The following RHO variants were observed in gnomAD, a reference collection of about 807,000 sequenced individuals.
The protein encoded by RHO is rhodopsin.
Under a neutral mutation model 31.2 loss-of-function variants are expected in RHO, and 21 were observed. The observed-to-expected ratio is 0.67, with a 90% confidence interval of 0.48 to 0.97. The LOEUF (loss-of-function observed/expected upper bound fraction) is 0.97. Ranked by LOEUF, RHO falls within the 50% of genes least tolerant of loss-of-function variation. The pLI, the probability that RHO is intolerant of heterozygous loss-of-function variation, is 0.00. For missense variants in RHO, 414 were observed against 479.5 expected (o/e 0.86, Z 1.28); for synonymous variants, 211 against 196.6 (o/e 1.07, Z -0.61).
chr3:129,530,742 T>C lies in RHO; in HGVS notation c.362-134T>C. ...CCCCTCCTCCCAGCACCAAGCTCTCTCCTTCCCCAAGGCCTCCTCAAATCC... is the reference window on the plus strand; with the variant it reads ...CCCCTCCTCCCAGCACCAAGCTCTCCCCTTCCCCAAGGCCTCCTCAAATCC... On this transcript the variant is annotated intron_variant, in intron 1 of 4. Coordinates refer to ENST00000296271, the MANE Select transcript of RHO (RefSeq NM_000539.3). 3.7e-6 allele frequency: 4 copies of C among 1,074,530 alleles called. No homozygotes were observed. In the Admixed American group the frequency reaches 6.9e-5, roughly 18 times the overall value. 66.6% of individuals were successfully genotyped at this position (1,074,530 alleles called of 1,614,324 possible).
chr3:129,532,340 T>C lies in RHO; in HGVS notation c.620T>C (p.Met207Thr), dbSNP rs104893782. 2 of 1,614,050 alleles carry C rather than the reference T, an allele frequency of 1.2e-6. No homozygotes were observed. Among genetic ancestry groups the C allele is most frequent in the Non-Finnish European group, 1.7e-6 (2 of 1,179,980 alleles). ...AACAACGAGTCTTTTGTCATCTACA[T>C]GTTCGTGGTCCACTTCACCATCCCC... ...EVNNESFVIY[M>T]FVVHFTIPMI... The change falls in exon 3 of 5, where the codon ATG becomes ACG. Residue 207 changes from methionine (M) to threonine (T), a missense_variant. By Grantham distance (81) the Met-to-Thr change is moderately conservative. Coordinates refer to ENST00000296271, the MANE Select transcript of RHO (RefSeq NM_000539.3). The surrounding 1 kb of genome is among the most constrained non-coding windows in gnomAD (Gnocchi z 5.5).
Position 129,533,946 on chromosome 3 carries a change from C to T in RHO, c.*228C>T. Reference sequence around the variant, plus strand: ...ACCTACTGATCTGGAGTCCCACGTTCCCCAAGGCCAGCGGGATGTGTGCCC... The same window carrying T: ...ACCTACTGATCTGGAGTCCCACGTTTCCCAAGGCCAGCGGGATGTGTGCCC... On this transcript the variant is annotated 3_prime_UTR_variant, in exon 5 of 5. Transcript: ENST00000296271. The T allele has an allele frequency of 5.9e-6, 3 of 511,702 alleles. No homozygotes were observed. Among genetic ancestry groups the T allele is most frequent in the Non-Finnish European group, 7.1e-6 (2 of 282,136 alleles). The allele number at this position is 511,702 out of a possible 1,614,324, so 31.7% of individuals were successfully genotyped here. A position where few individuals can be genotyped will look rare whatever the true frequency, so the allele number is the denominator to read the frequency against.
At position 129,532,243 on chromosome 3, in the gene RHO, G is replaced by C; in HGVS notation, c.531-8G>C. The C allele has an allele frequency of 1.2e-6, 2 of 1,613,680 alleles. No individual in the cohort carries two copies. The highest frequency in any genetic ancestry group is 1.7e-6 in the Non-Finnish European group (2 of 1,179,694). ...ACAGGCAGGGTCTCCCTACCTGCCT[G>C]TCCTCAGGTACATCCCCGAGGGCCT... On this transcript the variant is annotated splice_polypyrimidine_tract_variant and splice_region_variant and intron_variant, in intron 2 of 4. Coordinates refer to ENST00000296271, the MANE Select transcript of RHO (RefSeq NM_000539.3). The surrounding 1 kb of genome is among the most constrained non-coding windows in gnomAD (Gnocchi z 5.5).
At position 129,533,828 on chromosome 3, in the gene RHO, A is replaced by G. The variant is rs376184299; in HGVS notation, c.*110A>G. On this transcript the variant is annotated 3_prime_UTR_variant, in exon 5 of 5. Coordinates refer to ENST00000296271, the MANE Select transcript of RHO (RefSeq NM_000539.3). ...GCGCCTGTGCAGAATGAACGAAGTC[A>G]CATAGGCTCCTTAATTTTTTTTTTT... The G allele has an allele frequency of 1.4e-6, 1 of 733,776 alleles. No individual in the cohort carries two copies. 45.5% of individuals were successfully genotyped at this position (733,776 alleles called of 1,614,324 possible). A position where few individuals can be genotyped will look rare whatever the true frequency, so the allele number is the denominator to read the frequency against.
At chr3:129,529,667 T>C (rs2084764385) in intron 1 of RHO, among the ~76,000 whole-genome samples, 1 of 152,222 alleles carries the variant, frequency 6.6e-6, no homozygotes, top group Non-Finnish European at 1.5e-5. Flanking sequence ...TCTCAGCCCC[T>C]GTCCTCAGGT....
rs533358632 is a variant in RHO, at chr3:129,529,799, G to A, written c.361+705G>A. ...TTGCATTTAACAGGAAAACAGATGGGGTGCTGCAGGGATAACAGATCCCAC... is the reference window on the plus strand; with the variant it reads ...TTGCATTTAACAGGAAAACAGATGGAGTGCTGCAGGGATAACAGATCCCAC... On this transcript the variant is annotated intron_variant, in intron 1 of 4. Transcript: ENST00000296271. 2.6e-5 allele frequency among the ~76,000 whole-genome samples: 4 copies of A among 152,302 alleles called. No individual in the cohort carries two copies. In the South Asian group the frequency reaches 8.3e-4, roughly 32 times the overall value.
At chr3:129,530,062 G>C (rs1041822252) in intron 1 of RHO, among the ~76,000 whole-genome samples, 2 of 152,176 alleles carry the variant, frequency 1.3e-5, no homozygotes, top group Non-Finnish European at 2.9e-5. Context: ...CTGCTGCCTC[G>C]GTCCCATTCT....
Position 129,528,891 on chromosome 3 carries a change from C to T in RHO, c.158C>T (p.Pro53Leu). ...TTTCTGCTGATCGTGCTGGGCTTCC[C>T]CATCAACTTCCTCACGCTCTACGTC... ...YMFLLIVLGF[P>L]INFLTLYVTV... Residue 53 changes from proline (P) to leucine (L), a missense_variant, in exon 1 of 5, where the codon CCC becomes CTC. Physicochemically the swap from Pro to Leu is moderately conservative, Grantham distance 98. Coordinates refer to ENST00000296271, the MANE Select transcript of RHO (RefSeq NM_000539.3). 1 of 1,614,220 alleles carries T rather than the reference C, an allele frequency of 6.2e-7. No individual in the cohort carries two copies. Among genetic ancestry groups the T allele is most frequent in the Non-Finnish European group, 8.5e-7 (1 of 1,180,050 alleles).
chr3:129,533,994 C>A lies in RHO; in HGVS notation c.*276C>A, dbSNP rs759322778. The stretch of plus-strand genomic sequence containing the variant: ...CCCCTCCTCCTCCCAACTCATCTTT[C>A]AGGAACACGAGGATTCTTGCTTTCT... On this transcript the variant is annotated 3_prime_UTR_variant, in exon 5 of 5. Transcript: ENST00000296271. The A allele has an allele frequency of 2.4e-6, 1 of 420,234 alleles. No individual in the cohort carries two copies. Among genetic ancestry groups the A allele is most frequent in the Non-Finnish European group, 4.4e-6 (1 of 227,918 alleles). 26.0% of individuals were successfully genotyped at this position (420,234 alleles called of 1,614,324 possible).
rs368534414 is a variant in RHO at position 129,532,362 on chromosome 3, C to T, written c.642C>T (p.Ile214=). The stretch of plus-strand genomic sequence containing the variant: ...ACATGTTCGTGGTCCACTTCACCAT[C>T]CCCATGATTATCATCTTTTTCTGCT... The part of the protein sequence containing the change: ...VIYMFVVHFT[I]PMIIIFFCYG... The change falls in exon 3 of 5, where the codon ATC becomes ATT. Residue 214 remains isoleucine, a synonymous_variant. Transcript: ENST00000296271. The surrounding 1 kb of genome is among the most constrained non-coding windows in gnomAD (Gnocchi z 5.5). 1.2e-6 allele frequency: 2 copies of T among 1,614,062 alleles called. No individual in the cohort carries two copies. The highest frequency in any genetic ancestry group is 1.7e-6 in the Non-Finnish European group (2 of 1,180,004).
intron 1 of RHO, 62 bp from the exon 2 acceptor site, chr3:129,530,814 G>T (rs764208456): frequency 2.1e-5 from 34 of 1,606,972 alleles, no homozygotes; most frequent in Non-Finnish European, 2.8e-5. Context: ...CCCTGTCTAG[G>T]GGGGAGTGCA....
Position 129,534,834 on chromosome 3 carries a change from A to T in RHO, c.*1116A>T, listed in dbSNP as rs1191972988. 6.6e-6 allele frequency: 1 copy of T among 152,662 alleles called. No individual in the cohort carries two copies. Among genetic ancestry groups the T allele is most frequent in the Non-Finnish European group, 1.5e-5 (1 of 68,046 alleles). The allele number at this position is 152,662 out of a possible 1,614,324, so 9.5% of individuals were successfully genotyped here. A position where few individuals can be genotyped will look rare whatever the true frequency, so the allele number is the denominator to read the frequency against. ...GCTCACCCGCCCACATTTAATTAAC[A>T]GCTGAGTCCCTGATGTCATCCTTAT... On this transcript the variant is annotated 3_prime_UTR_variant, in exon 5 of 5. Coordinates refer to ENST00000296271, the MANE Select transcript of RHO (RefSeq NM_000539.3).
Position 129,532,701 on chromosome 3 carries a change from A to G in RHO, c.865A>G (p.Thr289Ala). 6.2e-7 allele frequency: 1 copy of G among 1,614,236 alleles called. No individual in the cohort carries two copies. The highest frequency in any genetic ancestry group is 1.1e-5 in the South Asian group (1 of 91,086). Residue 289 changes from threonine (T) to alanine (A), a missense_variant, in exon 4 of 5, where the codon ACC becomes GCC. Transcript: ENST00000296271. This position sits in a 1 kb window ranked among gnomAD's most constrained non-coding sequence, Gnocchi z 5.5. ...CTCCAACTTCGGTCCCATCTTCATG[A>G]CCATCCCAGCGTTCTTTGCCAAGAG... ...QGSNFGPIFM[T>A]IPAFFAKSAA...
chr3:129,534,912 T>TG lies in RHO; in HGVS notation c.*1198dup, dbSNP rs35649104. 1 of 152,612 alleles carries TG rather than the reference T, an allele frequency of 6.6e-6. No homozygotes were observed. The allele number at this position is 152,612 out of a possible 1,614,324, so 9.5% of individuals were successfully genotyped here. ...GAAATTCCACTGGGCCTACCTTCCT[T>TG]GGGGATGTTCATGGGCCCCAGTTTC... On this transcript the variant is annotated 3_prime_UTR_variant, in exon 5 of 5. Transcript: ENST00000296271.
chr3:129,531,979 G>A (rs571916150), intron 2 of RHO, among the ~76,000 whole-genome samples: 16 of 152,308 alleles, frequency 1.1e-4, no homozygotes, highest in African/African-American at 2.6e-4. Context: ...TAGCCTCAGC[G>A]GGCAGTGGAT....
chr3:129,530,773 C>A (rs1321522954), intron 1 of RHO, 103 bp from the exon 2 acceptor site: 1 of 1,417,032 alleles, frequency 7.1e-7, no homozygotes, highest in African/African-American at 1.4e-5. Context: ...AATCCCTCTC[C>A]CACTCCTGGT....
chr3:129,533,733 T>G lies in RHO; in HGVS notation c.*15T>G, dbSNP rs1432291926. On this transcript the variant is annotated 3_prime_UTR_variant, in exon 5 of 5. Transcript: ENST00000296271. ...CCCCGGCCTAAGACCTGCCTAGGAC[T>G]CTGTGGCCGACTATAGGCGTCTCCC... 6.4e-7 allele frequency: 1 copy of G among 1,573,086 alleles called. No individual in the cohort carries two copies. The highest frequency in any genetic ancestry group is 1.3e-5 in the African/African-American group (1 of 74,164).
intron 1 of RHO, among the ~76,000 whole-genome samples, chr3:129,530,386 GGTTATTTCATTTCCC>G (rs980808987): frequency 6.6e-6 from 1 of 151,946 alleles, no homozygotes; most frequent in Non-Finnish European, 1.5e-5. Context: ...CACATGTCCG[GGTTATTTCATTTCCC>G]GAGAAGGGAG....
Position 129,529,009 on chromosome 3 carries a change from C to T in RHO, c.276C>T (p.Thr92=). Reference sequence around the variant, plus strand: ...TCTTCATGGTCCTAGGTGGCTTCACCAGCACCCTCTACACCTCTCTGCATG... The same window carrying T: ...TCTTCATGGTCCTAGGTGGCTTCACTAGCACCCTCTACACCTCTCTGCATG... The part of the protein sequence containing the change: ...ADLFMVLGGF[T]STLYTSLHGY... Residue 92 remains threonine, a synonymous_variant, in exon 1 of 5, where the codon ACC becomes ACT. Coordinates refer to ENST00000296271, the MANE Select transcript of RHO (RefSeq NM_000539.3). The T allele has an allele frequency of 6.2e-7, 1 of 1,614,244 alleles. No homozygotes were observed. Among genetic ancestry groups the T allele is most frequent in the Non-Finnish European group, 8.5e-7 (1 of 1,180,054 alleles).
Sources: gnomAD v4.1 joint callset for allele counts (sites outside exome capture counted in the v4.1 genomes callset) on GRCh38, gnomAD v4.1.1 for gene constraint, Gnocchi (gnomAD v3.1) non-coding constraint, MANE v1.5 for transcripts, NCBI Gene and HGNC (gene_info 2026-07-23, HGNC 2026-07-21) for gene names.